The following SHANK2 variants were observed in gnomAD, a reference collection of about 807,000 sequenced individuals.
The protein encoded by SHANK2 is SH3 and multiple ankyrin repeat domains protein 2.
SHANK2 carries 43 observed loss-of-function variants against 133.7 expected under a neutral mutation model. That is an observed-to-expected ratio of 0.32 (90% confidence interval 0.25 to 0.41). The LOEUF (loss-of-function observed/expected upper bound fraction) is 0.41. Ranked by LOEUF, SHANK2 falls within the 10% of genes least tolerant of loss-of-function variation. SHANK2 has a pLI of 1.00. For synonymous variants in SHANK2, 1,017 were observed against 952.8 expected (o/e 1.07, Z -1.24); for missense variants, 1,994 against 2,235.8 (o/e 0.89, Z 2.18).
chr11:70,669,139 C>T (rs1207310984), intron 15 of SHANK2: 2 of 152,296 alleles, frequency 1.3e-5, no homozygotes, highest in Admixed American at 6.5e-5. Flanking sequence ...GAACAATGCA[C>T]AAGCACGAGT....
intron 10 of SHANK2, among the ~76,000 whole-genome samples, chr11:70,953,531 ACAACTT>A (rs1382224797): frequency 1.3e-5 from 2 of 151,584 alleles, no homozygotes; most frequent in African/African-American, 4.8e-5. Context: ...CAAAGGCCAA[ACAACTT>A]GGAGTCTGCT....
chr11:70,877,833 G>A (rs1292362432), intron 11 of SHANK2, among the ~76,000 whole-genome samples: 3 of 152,196 alleles, frequency 2.0e-5, no homozygotes, highest in Admixed American at 6.5e-5. Flanking sequence ...TATTCCCTGC[G>A]GAGAAAGTGG....
chr11:70,840,066 C>A (rs1948879660), intron 11 of SHANK2, among the ~76,000 whole-genome samples: 1 of 152,164 alleles, frequency 6.6e-6, no homozygotes, highest in Non-Finnish European at 1.5e-5. Flanking sequence ...GGGCGTGGGG[C>A]CCACCAGCTG....
rs930812778 is a variant in SHANK2, at chr11:71,111,378, C to T, written c.484-1329G>A. 3.9e-5 allele frequency among the ~76,000 whole-genome samples: 6 copies of T among 152,178 alleles called. No individual in the cohort carries two copies. The East Asian group carries it at 7.7e-4, about 20-fold the overall frequency. ...TCCCCGAGTGGCTCAAGGTGAAGTG[C>T]GGGACTCATTTCCTGTGAGGTCATG... On this transcript the variant is annotated intron_variant, in intron 5 of 25. Transcript: ENST00000601538.
chr11:70,818,286 T>C (rs1484687277), intron 12 of SHANK2, among the ~76,000 whole-genome samples: 7 of 152,094 alleles, frequency 4.6e-5, no homozygotes, highest in African/African-American at 1.7e-4. Context: ...CAAAAATGCA[T>C]GCACATACAT....
intron 5 of SHANK2, among the ~76,000 whole-genome samples, chr11:71,112,377 A>C (rs1951903463): frequency 1.3e-5 from 2 of 152,208 alleles, no homozygotes; most frequent in South Asian, 2.1e-4. Context: ...TGAGCAACAC[A>C]GCAAAACTCT....
chr11:70,670,564 G>A (rs1023532847), intron 15 of SHANK2, among the ~76,000 whole-genome samples: 12 of 152,156 alleles, frequency 7.9e-5, no homozygotes, highest in African/African-American at 1.9e-4. Flanking sequence ...GGGTTTCCCC[G>A]TCATCTGTCA....
intron 2 of SHANK2, among the ~76,000 whole-genome samples, chr11:71,191,288 G>C (rs1204290550): frequency 1.3e-5 from 2 of 152,206 alleles, no homozygotes; most frequent in Admixed American, 6.5e-5. Flanking sequence ...GAGGGAGACA[G>C]GACGCTGCAT....
chr11:70,688,986 G>A (rs1304539531), intron 15 of SHANK2, among the ~76,000 whole-genome samples: 1 of 152,258 alleles, frequency 6.6e-6, no homozygotes, highest in African/African-American at 2.4e-5. Flanking sequence ...TCTGGTGGGA[G>A]TGGGGCCAGG....
chr11:70,665,921 C>A (rs1440574720), intron 15 of SHANK2, among the ~76,000 whole-genome samples: 1 of 152,066 alleles, frequency 6.6e-6, no homozygotes, highest in Non-Finnish European at 1.5e-5. Context: ...GGGGAGGGGA[C>A]ATTTTCTACA....
intron 8 of SHANK2, among the ~76,000 whole-genome samples, chr11:71,089,936 G>A (rs1444885687): frequency 3.3e-5 from 5 of 152,304 alleles, no homozygotes; most frequent in East Asian, 1.9e-4. Flanking sequence ...AAACACTGGC[G>A]AGTTTCCACC....
chr11:71,062,191 A>C lies in SHANK2; in HGVS notation c.1030-5633T>G, dbSNP rs968419983. 1.7e-3 allele frequency among the ~76,000 whole-genome samples: 265 copies of C among 152,182 alleles called. 1 individual carries two copies. The highest frequency in any genetic ancestry group is 3.3e-3 in the Non-Finnish European group (221 of 67,994). On this transcript the variant is annotated intron_variant, in intron 9 of 25. Transcript: ENST00000601538. ...GGCTGGTCTCCATCTCCTGGGCTCA[A>C]GCAATCTGTCCACCGTGGCCTCTCA... is the stretch of plus-strand genomic sequence containing the variant.
rs977259008 is a variant in SHANK2, at chr11:70,785,893, C to G, written c.1777+12550G>C. Among the ~76,000 whole-genome samples, 42 of 152,294 alleles carry G rather than the reference C, an allele frequency of 2.8e-4. 2 individuals are homozygous for G. Among genetic ancestry groups the G allele is most frequent in the Admixed American group, 2.5e-3 (38 of 15,296 alleles). ...GGATGCTCTGTCCGCTTCAGGGACTCTTTGGTTTCTAAGCAGGGGCTCAAA... is the reference window on the plus strand; with the variant it reads ...GGATGCTCTGTCCGCTTCAGGGACTGTTTGGTTTCTAAGCAGGGGCTCAAA... On this transcript the variant is annotated intron_variant, in intron 14 of 25. Transcript: ENST00000601538.
At chr11:71,200,166 C>T (rs1953989416) in intron 2 of SHANK2, among the ~76,000 whole-genome samples, 1 of 152,188 alleles carries the variant, frequency 6.6e-6, no homozygotes, top group African/African-American at 2.4e-5. Flanking sequence ...CTATTTTCTG[C>T]CTCTGTGGAT....
intron 11 of SHANK2, among the ~76,000 whole-genome samples, chr11:70,848,477 A>G (rs1282414227): frequency 6.6e-6 from 1 of 152,202 alleles, no homozygotes; most frequent in African/African-American, 2.4e-5. Flanking sequence ...TGTTTGGGAA[A>G]CGCCAGATCA....
At position 70,873,563 on chromosome 11, in the gene SHANK2, C is replaced by CTGACG. The variant is rs1191467157; in HGVS notation, c.1174+22937_1174+22938insCGTCA. Among the ~76,000 whole-genome samples, 15 of 152,338 alleles carry CTGACG rather than the reference C, an allele frequency of 9.8e-5. No individual in the cohort carries two copies. In the East Asian group the frequency reaches 2.7e-3, roughly 27 times the overall value. On this transcript the variant is annotated intron_variant, in intron 11 of 25. Coordinates refer to ENST00000601538, the MANE Select transcript of SHANK2 (RefSeq NM_012309.5). ...GCGGCTGCCACACACCCTTTCGGGG[C>CTGACG]TTCTTCAGGAGAGACGTTCCACAGT...
intron 8 of SHANK2, among the ~76,000 whole-genome samples, chr11:71,086,319 T>C (rs1189620188): frequency 8.6e-6 from 1 of 116,824 alleles, no homozygotes; most frequent in Non-Finnish European, 1.6e-5. Flanking sequence ...ATATAGTATA[T>C]GTTATATTAT....
intron 14 of SHANK2, among the ~76,000 whole-genome samples, chr11:70,742,129 C>T (rs1591804598): frequency 3.3e-5 from 5 of 152,312 alleles, no homozygotes. Flanking sequence ...TGACAACTTC[C>T]AAACCCTGGA....
chr11:70,683,981 A>G (rs1555018956), intron 15 of SHANK2, among the ~76,000 whole-genome samples: 1 of 151,864 alleles, frequency 6.6e-6, no homozygotes, highest in African/African-American at 2.4e-5. Context: ...ACAGGATTTC[A>G]CCATGTTGGC....
Sources: gnomAD v4.1 joint callset for allele counts (sites outside exome capture counted in the v4.1 genomes callset) on GRCh38, gnomAD v4.1.1 for gene constraint, MANE v1.5 for transcripts, NCBI Gene and HGNC (gene_info 2026-07-23, HGNC 2026-07-21) for gene names.